Variants in EXT1 observed in about 807,000 individuals in gnomAD.
The protein encoded by EXT1 is exostosin glycosyltransferase 1.
Under a neutral mutation model 82.5 loss-of-function variants are expected in EXT1, and 20 were observed. That is an observed-to-expected ratio of 0.24 (90% CI 0.17 to 0.35). EXT1 has a LOEUF of 0.35. Ranked by LOEUF, EXT1 falls within the 10% of genes least tolerant of loss-of-function variation. The probability of loss-of-function intolerance (pLI) is 1.00; values close to 1 mark genes in which losing one functional copy is unlikely to be tolerated. For missense variants in EXT1, 757 were observed against 936.5 expected (o/e 0.81, Z 2.50); for synonymous variants, 348 against 350.8 (o/e 0.99, Z 0.09).
intron 1 of EXT1, among the ~76,000 whole-genome samples, chr8:118,043,443 T>C (rs1305333156): frequency 6.6e-6 from 1 of 152,238 alleles, no homozygotes; most frequent in African/African-American, 2.4e-5. Flanking sequence ...CAGAGTTTTC[T>C]CCACGAAGCT....
chr8:117,928,509 C>T (rs1335367629), intron 1 of EXT1, among the ~76,000 whole-genome samples: 1 of 152,126 alleles, frequency 6.6e-6, no homozygotes, highest in African/African-American at 2.4e-5. Flanking sequence ...TTAAAATCTT[C>T]AATAGTTTTT....
At chr8:117,922,288 C>T (rs1047875803) in intron 1 of EXT1, among the ~76,000 whole-genome samples, 3 of 152,080 alleles carry the variant, frequency 2.0e-5, no homozygotes, top group Non-Finnish European at 4.4e-5. Flanking sequence ...CTCCCGAGGT[C>T]TAAGTAAACA....
chr8:118,055,172 C>T (rs960736217), intron 1 of EXT1, among the ~76,000 whole-genome samples: 3 of 152,196 alleles, frequency 2.0e-5, no homozygotes, highest in South Asian at 2.1e-4. Flanking sequence ...ACTGCAACCA[C>T]TAATCTGTCT....
intron 1 of EXT1, among the ~76,000 whole-genome samples, chr8:117,883,841 G>C (rs574235663): frequency 6.6e-6 from 1 of 152,180 alleles, no homozygotes; most frequent in Non-Finnish European, 1.5e-5. Flanking sequence ...ACTGCAGTCC[G>C]ACTTGAATGT....
chr8:118,014,900 C>T (rs1815974090), intron 1 of EXT1, among the ~76,000 whole-genome samples: 3 of 152,146 alleles, frequency 2.0e-5, no homozygotes, highest in South Asian at 4.1e-4. Context: ...CGGTGAATTC[C>T]AGAGTGATAC....
chr8:118,039,491 C>T lies in EXT1; in HGVS notation c.962+70594G>A, dbSNP rs1038080392. ...GGAAGAATCGCTTGAACCCGGGAGG[C>T]GGAGGCTGCAGTGAGCCGAGATGGC... is the stretch of plus-strand genomic sequence containing the variant. On this transcript the variant is annotated intron_variant, in intron 1 of 10. Transcript: ENST00000378204. Among the ~76,000 whole-genome samples the T allele has an allele frequency of 7.6e-4, 101 of 132,642 alleles. 2 individuals are homozygous for T. The highest frequency in any genetic ancestry group is 1.7e-4 in the African/African-American group (6 of 35,366). 87.0% of individuals were successfully genotyped at this position (132,642 alleles called of 152,430 possible).
chr8:117,912,455 A>G (rs1487459163), intron 1 of EXT1, among the ~76,000 whole-genome samples: 2 of 152,242 alleles, frequency 1.3e-5, no homozygotes, highest in African/African-American at 4.8e-5. Flanking sequence ...ATCTCCCTTC[A>G]GAACTAGAAG....
intron 1 of EXT1, among the ~76,000 whole-genome samples, chr8:118,049,084 T>C (rs1265594674): frequency 6.6e-6 from 1 of 152,204 alleles, no homozygotes; most frequent in Non-Finnish European, 1.5e-5. Context: ...TATTTCAGAC[T>C]GGTTAGATCA....
intron 1 of EXT1, among the ~76,000 whole-genome samples, chr8:117,889,565 T>C (rs1445523622): frequency 1.3e-5 from 2 of 152,176 alleles, no homozygotes; most frequent in Non-Finnish European, 2.9e-5. Context: ...TTGATGACTA[T>C]AGAAAGATAT....
intron 1 of EXT1, among the ~76,000 whole-genome samples, chr8:117,920,758 T>C (rs1813839786): frequency 6.6e-6 from 1 of 152,048 alleles, no homozygotes; most frequent in African/African-American, 2.4e-5. Flanking sequence ...AAGCTGACCA[T>C]CCCTGTGAAG....
rs943994394 is a variant in EXT1 at position 117,806,025 on chromosome 8, T to C, written c.1884-1132A>G. On this transcript the variant is annotated intron_variant, in intron 9 of 10. Transcript: ENST00000378204. ...ATCAGCCCTCTAATCTTCCAGTGTTTCAGGTCAAAAGACTTGGAGTCATCA... is the reference window on the plus strand; with the variant it reads ...ATCAGCCCTCTAATCTTCCAGTGTTCCAGGTCAAAAGACTTGGAGTCATCA... 1.2e-4 allele frequency among the ~76,000 whole-genome samples: 18 copies of C among 152,338 alleles called. 1 individual carries two copies. Among genetic ancestry groups the C allele is most frequent in the Admixed American group, 9.8e-4 (15 of 15,308 alleles).
At chr8:118,000,208 G>C (rs1267832569) in intron 1 of EXT1, among the ~76,000 whole-genome samples, 1 of 152,172 alleles carries the variant, frequency 6.6e-6, no homozygotes, top group East Asian at 1.9e-4. Flanking sequence ...GTGTATAAAA[G>C]ACAGATGGAA....
intron 1 of EXT1, among the ~76,000 whole-genome samples, chr8:118,004,794 T>G (rs1477599604): frequency 6.6e-6 from 1 of 151,988 alleles, no homozygotes; most frequent in African/African-American, 2.4e-5. Context: ...CAAACTGCGT[T>G]ATTGGTCTCC....
chr8:117,942,826 C>CT (rs1417343688), intron 1 of EXT1, among the ~76,000 whole-genome samples: 2 of 152,140 alleles, frequency 1.3e-5, no homozygotes, highest in Non-Finnish European at 2.9e-5. Flanking sequence ...TATACTAACG[C>CT]TATGATCCTA....
At chr8:118,098,939 G>A (rs989900224) in intron 1 of EXT1, among the ~76,000 whole-genome samples, 6 of 152,074 alleles carry the variant, frequency 3.9e-5, no homozygotes, top group South Asian at 2.1e-4. Flanking sequence ...GAGCCTTGGC[G>A]GAAATTGCTA....
At chr8:118,105,919 T>G (rs1817796658) in intron 1 of EXT1, among the ~76,000 whole-genome samples, 1 of 152,238 alleles carries the variant, frequency 6.6e-6, no homozygotes, top group South Asian at 2.1e-4. Flanking sequence ...TTCTTTTTGC[T>G]GTAAGTGCAT....
chr8:118,022,909 G>A (rs901278278), intron 1 of EXT1, among the ~76,000 whole-genome samples: 1 of 152,104 alleles, frequency 6.6e-6, no homozygotes, highest in African/African-American at 2.4e-5. Context: ...ATAAGGCTTA[G>A]CACCCACGTA....
intron 1 of EXT1, among the ~76,000 whole-genome samples, chr8:118,071,786 C>T (rs1222782765): frequency 6.6e-6 from 1 of 152,098 alleles, no homozygotes; most frequent in Admixed American, 6.5e-5. Flanking sequence ...CAACAGGTCT[C>T]TTTAGGTAGA....
chr8:118,080,157 T>A (rs770408839), intron 1 of EXT1, among the ~76,000 whole-genome samples: 3 of 152,188 alleles, frequency 2.0e-5, no homozygotes, highest in African/African-American at 7.2e-5. Context: ...ATCAAAGCAA[T>A]AGAGAAAATG....
Sources: gnomAD v4.1 joint callset for allele counts (sites outside exome capture counted in the v4.1 genomes callset) on GRCh38, gnomAD v4.1.1 for gene constraint, MANE v1.5 for transcripts, NCBI Gene and HGNC (gene_info 2026-07-23, HGNC 2026-07-21) for gene names.